HS6ST3: variants seen among roughly 807,000 people sequenced by gnomAD.
HS6ST3 encodes heparan sulfate 6-O-sulfotransferase 3, also known as heparan-sulfate 6-O-sulfotransferase 3.
A neutral mutation model predicts 36.7 loss-of-function variants in HS6ST3; 12 were observed. That is an observed-to-expected ratio of 0.33 (90% CI 0.21 to 0.53). The LOEUF is 0.53. Among genes scored for constraint, HS6ST3 ranks in the 20% least tolerant of loss-of-function variants. The pLI is 0.95. For synonymous variants in HS6ST3, 240 were observed against 257.5 expected (o/e 0.93, Z 0.65); for missense variants, 584 against 640.9 (o/e 0.91, Z 0.96).
intron 1 of HS6ST3, among the ~76,000 whole-genome samples, chr13:96,155,226 A>G (rs1432435128): frequency 6.6e-6 from 1 of 152,202 alleles, no homozygotes; most frequent in Non-Finnish European, 1.5e-5. Flanking sequence ...AAACCTTAAA[A>G]GCCCAAATAA....
At chr13:96,327,419 C>G (rs2055038695) in intron 1 of HS6ST3, among the ~76,000 whole-genome samples, 1 of 152,002 alleles carries the variant, frequency 6.6e-6, no homozygotes. Context: ...TTTCCAAGCA[C>G]CATTTATTAA....
chr13:96,144,565 C>T (rs187854365), intron 1 of HS6ST3, among the ~76,000 whole-genome samples: 1 of 151,942 alleles, frequency 6.6e-6, no homozygotes, highest in East Asian at 1.9e-4. Context: ...ATAAAAATAC[C>T]TCATCTTATG....
chr13:96,393,074 A>T (rs7334786), intron 1 of HS6ST3, among the ~76,000 whole-genome samples: 123,385 of 152,100 alleles, frequency 0.81, 50,522 homozygotes, highest in Non-Finnish European at 0.87. Context: ...GATAGTTTTA[A>T]AAGGGGAAGC....
At chr13:96,587,082 G>A (rs1157461189) in intron 1 of HS6ST3, among the ~76,000 whole-genome samples, 1 of 151,938 alleles carries the variant, frequency 6.6e-6, no homozygotes, top group Admixed American at 6.6e-5. Context: ...TAGAACCTTT[G>A]TTGAAAGTCA....
At chr13:96,294,967 C>T (rs183056907) in intron 1 of HS6ST3, among the ~76,000 whole-genome samples, 6 of 152,034 alleles carry the variant, frequency 3.9e-5, no homozygotes, top group Admixed American at 1.3e-4. Context: ...AAATTTCCTT[C>T]CTTAGTTTTG....
intron 1 of HS6ST3, among the ~76,000 whole-genome samples, chr13:96,119,711 C>G (rs1343476270): frequency 2.0e-5 from 3 of 152,068 alleles, no homozygotes; most frequent in African/African-American, 7.2e-5. Context: ...GCTCCTCTGT[C>G]TATTATCTGA....
intron 1 of HS6ST3, among the ~76,000 whole-genome samples, chr13:96,669,330 G>C (rs117287182): frequency 2.6e-5 from 4 of 152,244 alleles, no homozygotes; most frequent in Middle Eastern, 3.4e-3. Context: ...CTAGGAGTTA[G>C]ATGGGCCCTC....
At chr13:96,125,400 A>G (rs1464468055) in intron 1 of HS6ST3, among the ~76,000 whole-genome samples, 1 of 152,204 alleles carries the variant, frequency 6.6e-6, no homozygotes, top group Non-Finnish European at 1.5e-5. Flanking sequence ...ACAAAATTCT[A>G]ACAAGAATTT....
chr13:96,107,270 G>C (rs897006141), intron 1 of HS6ST3, among the ~76,000 whole-genome samples: 7 of 152,130 alleles, frequency 4.6e-5, no homozygotes, highest in African/African-American at 1.7e-4. Context: ...TCAAAGAAAA[G>C]GGCATTTGAA....
intron 1 of HS6ST3, among the ~76,000 whole-genome samples, chr13:96,216,590 A>T (rs2054427393): frequency 6.6e-6 from 1 of 152,198 alleles, no homozygotes; most frequent in Non-Finnish European, 1.5e-5. Flanking sequence ...CTGAAGTGTC[A>T]TCATATATAC....
At chr13:96,391,892 G>A (rs1055010025) in intron 1 of HS6ST3, among the ~76,000 whole-genome samples, 8 of 152,178 alleles carry the variant, frequency 5.3e-5, no homozygotes, top group Non-Finnish European at 1.0e-4. Context: ...GTTGTGAATA[G>A]CATCTACCCT....
At chr13:96,831,775 T>C (rs1878788982) in intron 1 of HS6ST3, among the ~76,000 whole-genome samples, 1 of 151,798 alleles carries the variant, frequency 6.6e-6, no homozygotes, top group Non-Finnish European at 1.5e-5. Flanking sequence ...GCCAACATGA[T>C]GAAACCCCAT....
chr13:96,307,562 AT>A (rs538091349), intron 1 of HS6ST3, among the ~76,000 whole-genome samples: 15 of 151,862 alleles, frequency 9.9e-5, no homozygotes, highest in Admixed American at 3.3e-4. Flanking sequence ...GTGTTTACTA[AT>A]TTTTTTCTTT....
intron 1 of HS6ST3, among the ~76,000 whole-genome samples, chr13:96,516,123 G>A (rs1205769778): frequency 6.6e-6 from 1 of 151,708 alleles, no homozygotes; most frequent in Non-Finnish European, 1.5e-5. Context: ...GTGCAGTGGG[G>A]TGATGTCGGC....
At chr13:96,517,441 G>T (rs954508737) in intron 1 of HS6ST3, among the ~76,000 whole-genome samples, 1 of 152,126 alleles carries the variant, frequency 6.6e-6, no homozygotes, top group Non-Finnish European at 1.5e-5. Context: ...AGAAAGATAG[G>T]CTTCCCAGGG....
chr13:96,092,400 GA>G (rs1405851348), intron 1 of HS6ST3, among the ~76,000 whole-genome samples: 3 of 152,162 alleles, frequency 2.0e-5, no homozygotes, highest in African/African-American at 7.2e-5. Context: ...TAATACAGTG[GA>G]GAATTAAGAA....
chr13:96,575,710 G>A (rs1015006895), intron 1 of HS6ST3, among the ~76,000 whole-genome samples: 2 of 152,156 alleles, frequency 1.3e-5, no homozygotes, highest in African/African-American at 2.4e-5. Flanking sequence ...TTCATGTGAC[G>A]TATTTCCCCT....
At chr13:96,680,703 G>A (rs1244864102) in intron 1 of HS6ST3, among the ~76,000 whole-genome samples, 1 of 152,176 alleles carries the variant, frequency 6.6e-6, no homozygotes, top group Non-Finnish European at 1.5e-5. Context: ...GTGAGGGGCT[G>A]ACCCGCCATC....
chr13:96,494,671 A>ACACAT (rs1381761529), intron 1 of HS6ST3, among the ~76,000 whole-genome samples: 1 of 152,014 alleles, frequency 6.6e-6, no homozygotes, highest in Non-Finnish European at 1.5e-5. Flanking sequence ...ACACACACAC[A>ACACAT]CACATACACA....
Sources: gnomAD v4.1 joint callset for allele counts (sites outside exome capture counted in the v4.1 genomes callset) on GRCh38, gnomAD v4.1.1 for gene constraint, MANE v1.5 for transcripts, NCBI Gene and HGNC (gene_info 2026-07-23, HGNC 2026-07-21) for gene names.